USP44: variants seen among roughly 807,000 people sequenced by gnomAD.
The protein encoded by USP44 is ubiquitin specific peptidase 44.
In USP44, 61 loss-of-function variants were observed where a neutral mutation model predicts 69.0. The observed-to-expected ratio is 0.88, with a 90% CI of 0.72 to 1.09. The LOEUF (loss-of-function observed/expected upper bound fraction) is 1.09. Among genes scored for constraint, USP44 ranks in the 50% least tolerant of loss-of-function variants. The pLI is 0.00. For synonymous variants in USP44, 297 were observed against 295.4 expected (o/e 1.01, Z -0.06); for missense variants, 753 against 849.9 (o/e 0.89, Z 1.42).
intron 1 of USP44, among the ~76,000 whole-genome samples, chr12:95,540,953 C>T (rs932419690): frequency 1.5e-4 from 23 of 152,066 alleles, no homozygotes; most frequent in Non-Finnish European, 2.9e-5. Flanking sequence ...AAAAAATTCC[C>T]CCTGATCTCA....
intron 1 of USP44, among the ~76,000 whole-genome samples, chr12:95,550,981 A>AG (rs2077714137): frequency 6.6e-6 from 1 of 152,106 alleles, no homozygotes; most frequent in Admixed American, 6.6e-5. Flanking sequence ...TTTTCTTCAT[A>AG]CTTATTACTA....
intron 3 of USP44, 132 bp downstream of exon 3, chr12:95,528,675 C>A: frequency 3.4e-6 from 3 of 873,286 alleles, no homozygotes; most frequent in South Asian, 2.1e-5. Flanking sequence ...AAAGTGAAAA[C>A]GTCTGTTTCT....
intron 4 of USP44, among the ~76,000 whole-genome samples, chr12:95,524,009 T>G (rs377015018): frequency 9.2e-5 from 14 of 152,202 alleles, no homozygotes; most frequent in South Asian, 4.2e-4. Context: ...CCCAAGTAGC[T>G]GGAATTACAG....
At chr12:95,544,494 G>A (rs1565841659) in intron 1 of USP44, among the ~76,000 whole-genome samples, 1 of 152,124 alleles carries the variant, frequency 6.6e-6, no homozygotes, top group Non-Finnish European at 1.5e-5. Context: ...GAGGATATCA[G>A]GTACCAAAGG....
At chr12:95,534,375 A>T (rs779959561) in intron 1 of USP44, 49 bp from the exon 2 acceptor site, 4 of 997,780 alleles carry the variant, frequency 4.0e-6, no homozygotes, top group Non-Finnish European at 5.8e-6. Flanking sequence ...AATATTTTTC[A>T]TATTTTTTCC....
intron 1 of USP44, among the ~76,000 whole-genome samples, chr12:95,543,687 C>A (rs1283485800): frequency 6.6e-6 from 1 of 151,822 alleles, no homozygotes; most frequent in African/African-American, 2.4e-5. Context: ...ACATACCAGG[C>A]CGGGCGCGGT....
chr12:95,528,560 A>T (rs1451045536), intron 3 of USP44, among the ~76,000 whole-genome samples: 1 of 152,196 alleles, frequency 6.6e-6, no homozygotes, highest in African/African-American at 2.4e-5. Context: ...ATCATATTTA[A>T]ACTTGTTATG....
At position 95,518,297 on chromosome 12, in the gene USP44, A is replaced by G; in HGVS notation, c.1996T>C (p.Cys666Arg). The stretch of plus-strand genomic sequence containing the variant: ...AACAAGATATAAGCTTGAGCCTTGC[A>G]TACTTCATCCATAGTGCACATGCTT... ...KLSMCTMDEV[C>R]KAQAYILFYT... The change falls in exon 6 of 6, where the codon TGC (cysteine) becomes CGC (arginine). Residue 666 changes from cysteine to arginine, a missense_variant. Transcript: ENST00000258499. 6.2e-7 allele frequency: 1 copy of G among 1,614,232 alleles called. No homozygotes were observed.
rs1451271284 is a variant in USP44, at chr12:95,519,991, G to A, written c.1939+1006C>T. Among the ~76,000 whole-genome samples the A allele has an allele frequency of 4.6e-4, 49 of 105,770 alleles. No individual in the cohort carries two copies. In the South Asian group the frequency reaches 0.014, roughly 30 times the overall value. 69.4% of individuals were successfully genotyped at this position (105,770 alleles called of 152,430 possible). On this transcript the variant is annotated intron_variant, in intron 5 of 5. Transcript: ENST00000258499. ...CTGCTGTACTCTAGCCCAGGGGAAA[G>A]AGTGAGACTCTGTCTCAAAAAAAAA...
At chr12:95,519,836 T>C (rs534256687) in intron 5 of USP44, among the ~76,000 whole-genome samples, 191 of 150,506 alleles carry the variant, frequency 1.3e-3, no homozygotes, top group African/African-American at 4.2e-3. Context: ...GGCCAGGAGT[T>C]CAAGACCAGC....
intron 4 of USP44, among the ~76,000 whole-genome samples, chr12:95,524,018 A>G (rs946366088): frequency 6.6e-6 from 1 of 151,996 alleles, no homozygotes; most frequent in Admixed American, 6.6e-5. Context: ...CTGGAATTAC[A>G]GGCGTGTGTC....
In USP44 at chr12:95,531,908, A is replaced by C. The variant is rs567033840; in HGVS notation, c.1428+921T>G. On this transcript the variant is annotated intron_variant, in intron 2 of 5. Transcript: ENST00000258499. ...CAGTTCACCAATAAGTCCACTCAGT[A>C]TAGAGAACCTTTACTTCGAAGATTC... is the stretch of plus-strand genomic sequence containing the variant. 3.3e-5 allele frequency among the ~76,000 whole-genome samples: 5 copies of C among 152,346 alleles called. No individual in the cohort carries two copies. In the South Asian group the frequency reaches 1.0e-3, roughly 32 times the overall value.
At chr12:95,540,509 A>G (rs2077353549) in intron 1 of USP44, among the ~76,000 whole-genome samples, 1 of 151,882 alleles carries the variant, frequency 6.6e-6, no homozygotes, top group Non-Finnish European at 1.5e-5. Flanking sequence ...CGCAAGGCGA[A>G]TTTTGTATTT....
At chr12:95,530,931 G>A (rs759503593) in intron 2 of USP44, among the ~76,000 whole-genome samples, 3 of 152,180 alleles carry the variant, frequency 2.0e-5, no homozygotes, top group East Asian at 1.9e-4. Context: ...TTGGGAGGCC[G>A]AGGCGCGTGG....
chr12:95,526,780 G>A (rs2076850247), intron 3 of USP44, among the ~76,000 whole-genome samples: 3 of 151,984 alleles, frequency 2.0e-5, no homozygotes, highest in Admixed American at 6.6e-5. Flanking sequence ...GGAAATTAGG[G>A]AGAATACCTG....
At position 95,518,196 on chromosome 12, in the gene USP44, G is replaced by A. The variant is rs760256134; in HGVS notation, c.2097C>T (p.Pro699=). Residue 699 remains proline (P), a synonymous_variant, in exon 6 of 6, where the codon CCC becomes CCT. Coordinates refer to ENST00000258499, the MANE Select transcript of USP44 (RefSeq NM_032147.5). The part of the protein sequence containing the change: ...PPELLLGSQH[P]NEDADTSSNE... ...TAGACGAGGTATCAGCGTCTTCATT[G>A]GGATGTTGGCTCCCCAACAGGAGCT... 2 of 1,614,122 alleles carry A rather than the reference G, an allele frequency of 1.2e-6. No homozygotes were observed. Among genetic ancestry groups the A allele is most frequent in the South Asian group, 2.2e-5 (2 of 91,078 alleles).
At chr12:95,542,541 A>G (rs2077423358) in intron 1 of USP44, among the ~76,000 whole-genome samples, 1 of 151,254 alleles carries the variant, frequency 6.6e-6, no homozygotes, top group African/African-American at 2.4e-5. Context: ...CAAGGTGGGC[A>G]GATCACCTGA....
intron 1 of USP44, among the ~76,000 whole-genome samples, chr12:95,540,986 A>C (rs2140344492): frequency 6.6e-6 from 1 of 152,346 alleles, no homozygotes. Context: ...AGCAATTTAA[A>C]ACATTTGTTT....
chr12:95,521,565 G>C (rs4762563), intron 4 of USP44, among the ~76,000 whole-genome samples: 6,983 of 152,218 alleles, frequency 0.046, 220 homozygotes, highest in Non-Finnish European at 0.068. Flanking sequence ...GCAGTGGTGC[G>C]ATCTTGGCTT....
Sources: gnomAD v4.1 joint callset for allele counts (sites outside exome capture counted in the v4.1 genomes callset) on GRCh38, gnomAD v4.1.1 for gene constraint, MANE v1.5 for transcripts, NCBI Gene and HGNC (gene_info 2026-07-23, HGNC 2026-07-21) for gene names.